The following GNA12 variants were observed in gnomAD, a reference collection of about 807,000 sequenced individuals.
The protein encoded by GNA12 is guanine nucleotide-binding protein subunit alpha-12.
GNA12 carries 9 observed loss-of-function variants against 26.0 expected under a neutral mutation model. The ratio of observed to expected loss-of-function variants is 0.35; its 90% confidence interval spans 0.21 to 0.60. The LOEUF (loss-of-function observed/expected upper bound fraction) is 0.60. GNA12 is among the 20% of genes least tolerant of loss of function. GNA12 has a pLI of 0.78. For synonymous variants in GNA12, 264 were observed against 219.6 expected (o/e 1.20, Z -1.79); for missense variants, 405 against 525.8 (o/e 0.77, Z 2.25).
chr7:2,815,093 A>T, intron 1 of GNA12: 1 of 1,204,050 alleles, frequency 8.3e-7, no homozygotes, highest in East Asian at 2.6e-5. Flanking sequence ...AGAGAACCAG[A>T]CAGACAAGGC....
At chr7:2,825,389 A>AGGGCGGGAAG (rs1199600764) in intron 1 of GNA12, among the ~76,000 whole-genome samples, 1 of 152,172 alleles carries the variant, frequency 6.6e-6, no homozygotes, top group African/African-American at 2.4e-5. Flanking sequence ...AGCAGGAGAG[A>AGGGCGGGAAG]GGGCGGGAAG....
At chr7:2,825,638 A>C (rs1229479595) in intron 1 of GNA12, among the ~76,000 whole-genome samples, 9 of 152,102 alleles carry the variant, frequency 5.9e-5, no homozygotes, top group Non-Finnish European at 2.9e-5. Context: ...AGCTGATGGG[A>C]GGCTGAGGGC....
At chr7:2,795,629 AAAAAAAAAAAAG>A (rs1792646280) in intron 1 of GNA12, among the ~76,000 whole-genome samples, 1 of 146,504 alleles carries the variant, frequency 6.8e-6, no homozygotes, top group Admixed American at 6.8e-5. Flanking sequence ...CCCTGTTTCA[AAAAAAAAAAAAG>A]AAAAGAAAAA....
At chr7:2,759,879 C>T (rs558231313) in intron 2 of GNA12, among the ~76,000 whole-genome samples, 27 of 152,372 alleles carry the variant, frequency 1.8e-4, no homozygotes, top group African/African-American at 5.5e-4. Flanking sequence ...CAGAGCCCCA[C>T]GGCCAGCTGA....
rs796281429 is a variant in GNA12, at chr7:2,737,219, CT to C, written c.526-3719del. On this transcript the variant is annotated intron_variant, in intron 2 of 3. Transcript: ENST00000275364. ...AACTTCCAGCTCCTGGCCAGAGGGC[CT>C]TTTAATTTTAAACCCTATCTGCCCA... Among the ~76,000 whole-genome samples the C allele has an allele frequency of 4.0e-4, 58 of 146,588 alleles. 1 individual carries two copies. Among genetic ancestry groups the C allele is most frequent in the African/African-American group, 1.1e-3 (42 of 39,574 alleles).
chr7:2,741,389 A>G (rs709281), intron 2 of GNA12, among the ~76,000 whole-genome samples: 86,316 of 151,934 alleles, frequency 0.57, 24,881 homozygotes, highest in Admixed American at 0.63. Context: ...TAACAGGGCT[A>G]GGGGTGGGGA....
chr7:2,841,161 C>CT (rs367857844), intron 1 of GNA12, among the ~76,000 whole-genome samples: 29 of 151,790 alleles, frequency 1.9e-4, no homozygotes, highest in East Asian at 5.8e-4. Context: ...TTTTCTTTTT[C>CT]TTTTTTTTGA....
chr7:2,780,960 C>T (rs1000232138), intron 2 of GNA12, among the ~76,000 whole-genome samples: 1 of 152,238 alleles, frequency 6.6e-6, no homozygotes, highest in Non-Finnish European at 1.5e-5. Context: ...AACTTGTGTT[C>T]CCACCAGCAC....
At chr7:2,760,942 G>C (rs1791525143) in intron 2 of GNA12, among the ~76,000 whole-genome samples, 1 of 152,184 alleles carries the variant, frequency 6.6e-6, no homozygotes, top group Non-Finnish European at 1.5e-5. Flanking sequence ...CCCCACTCCA[G>C]CTCCCCCTGT....
At chr7:2,758,705 C>T (rs534074479) in intron 2 of GNA12, among the ~76,000 whole-genome samples, 2 of 152,268 alleles carry the variant, frequency 1.3e-5, no homozygotes, top group South Asian at 2.1e-4. Flanking sequence ...TGTGTAGCAG[C>T]GTGCCCCTAA....
chr7:2,778,072 ACTATGCCGCCTTAG>A (rs1182645598), intron 2 of GNA12, among the ~76,000 whole-genome samples: 1 of 152,240 alleles, frequency 6.6e-6, no homozygotes, highest in Non-Finnish European at 1.5e-5. Context: ...CACGAGCTAC[ACTATGCCGCCTTAG>A]CGGCATAGTC....
In GNA12 at chr7:2,731,813, CA is replaced by C; in HGVS notation, c.577-64del. 1.2e-6 allele frequency: 1 copy of C among 861,796 alleles called. No individual in the cohort carries two copies. The highest frequency in any genetic ancestry group is 1.7e-6 in the Non-Finnish European group (1 of 592,770). The allele number at this position is 861,796 out of a possible 1,614,324, so 53.4% of individuals were successfully genotyped here. On this transcript the variant is annotated intron_variant, in intron 3 of 3. Coordinates refer to ENST00000275364, the MANE Select transcript of GNA12 (RefSeq NM_007353.3). The surrounding 1 kb of genome is among the most constrained non-coding windows in gnomAD (Gnocchi z 6.0). The stretch of plus-strand genomic sequence containing the variant: ...GAAGAAAGAACAGAGAAAATAGAAA[CA>C]AAAAGATGGCAAAAAGATAAGAAGG...
chr7:2,814,800 G>A (rs1173311881), intron 1 of GNA12: 18 of 1,390,088 alleles, frequency 1.3e-5, no homozygotes, highest in Admixed American at 1.9e-5. Flanking sequence ...GACCTGCCCC[G>A]CACTGCTCCC....
In GNA12 at chr7:2,812,140, A is replaced by T. The variant is rs79694018; in HGVS notation, c.310-16997T>A. 5.5e-3 allele frequency among the ~76,000 whole-genome samples: 844 copies of T among 152,376 alleles called. 8 individuals carry two copies. The highest frequency in any genetic ancestry group is 0.019 in the African/African-American group (794 of 41,590). On this transcript the variant is annotated intron_variant, in intron 1 of 3. Transcript: ENST00000275364. ...TCACCAAAAACCTTAAAACCGGGCA[A>T]GTAAGTCCCTGTGTTACTAATTCCA...
chr7:2,762,593 C>CA, intron 2 of GNA12: 1 of 1,505,978 alleles, frequency 6.6e-7, no homozygotes, highest in Non-Finnish European at 8.9e-7. Context: ...TTTACAAACC[C>CA]AAAAAAGGAC....
At chr7:2,808,782 C>T (rs1359708942) in intron 1 of GNA12, among the ~76,000 whole-genome samples, 1 of 152,210 alleles carries the variant, frequency 6.6e-6, no homozygotes, top group Non-Finnish European at 1.5e-5. Flanking sequence ...AGTCTACTGT[C>T]AAAACCAGTG....
chr7:2,776,519 C>T (rs567259466), intron 2 of GNA12, among the ~76,000 whole-genome samples: 2 of 152,278 alleles, frequency 1.3e-5, no homozygotes, highest in East Asian at 3.9e-4. Flanking sequence ...GAAGGGCTGG[C>T]CCACATTCAA....
At chr7:2,778,174 A>T (rs945290198) in intron 2 of GNA12, among the ~76,000 whole-genome samples, 5 of 152,094 alleles carry the variant, frequency 3.3e-5, no homozygotes, top group Non-Finnish European at 5.9e-5. Flanking sequence ...GAAGAGACTT[A>T]AAAAAAAGCA....
chr7:2,748,645 C>A (rs1413231117), intron 2 of GNA12, among the ~76,000 whole-genome samples: 1 of 152,028 alleles, frequency 6.6e-6, no homozygotes, highest in Non-Finnish European at 1.5e-5. Context: ...GCAACAAAAG[C>A]CAAAATTGAC....
Sources: allele counts gnomAD v4.1 joint callset (sites outside exome capture counted in the v4.1 genomes callset), GRCh38; gene constraint gnomAD v4.1.1; non-coding constraint Gnocchi (gnomAD v3.1); transcripts MANE v1.5; gene names NCBI Gene and HGNC (gene_info 2026-07-23, HGNC 2026-07-21).